Variants in ADAMTSL3 observed in about 807,000 individuals in gnomAD.
ADAMTSL3 encodes ADAMTS-like protein 3.
A neutral mutation model predicts 201.7 loss-of-function variants in ADAMTSL3; 128 were observed. The observed-to-expected ratio is 0.63, with a 90% CI of 0.55 to 0.73. The LOEUF (loss-of-function observed/expected upper bound fraction) is 0.73. ADAMTSL3 is among the 30% of genes least tolerant of loss of function. ADAMTSL3 has a pLI of 0.00. For synonymous variants in ADAMTSL3, 738 were observed against 748.4 expected (o/e 0.99, Z 0.23); for missense variants, 1,990 against 2,119.6 (o/e 0.94, Z 1.20).
rs1164485410 is a variant in ADAMTSL3, at chr15:83,913,182, C to G, written c.1791C>G (p.Phe597Leu). 1.9e-6 allele frequency: 3 copies of G among 1,614,056 alleles called. No individual in the cohort carries two copies. ...TGAAGTGCCGTGTGCTCCTCACATT[C>G]ACGCAGACTGAGACTGAGCTGCCCG... ...REVKCRVLLT[F>L]TQTETELPEE... is the part of the protein sequence containing the mutation. The change falls in exon 16 of 30, where the codon TTC (phenylalanine) becomes TTG (leucine). Residue 597 changes from phenylalanine (F) to leucine (L), a missense_variant. Physicochemically the swap from Phe to Leu is conservative, Grantham distance 22. Transcript: ENST00000286744.
intron 4 of ADAMTSL3, among the ~76,000 whole-genome samples, chr15:83,779,876 A>T (rs2063139216): frequency 6.6e-6 from 1 of 152,182 alleles, no homozygotes; most frequent in African/African-American, 2.4e-5. Flanking sequence ...AGTTATTTGA[A>T]ACTAATGAGA....
chr15:84,026,463 T>C (rs2068309803), intron 27 of ADAMTSL3, among the ~76,000 whole-genome samples: 1 of 152,204 alleles, frequency 6.6e-6, no homozygotes. Flanking sequence ...CTAAAATTCA[T>C]GTGGATATAG....
intron 2 of ADAMTSL3, among the ~76,000 whole-genome samples, chr15:83,692,520 C>T (rs1350358154): frequency 6.6e-6 from 1 of 151,584 alleles, no homozygotes; most frequent in Non-Finnish European, 1.5e-5. Context: ...CCTGTCTCTA[C>T]TGAAAAATAC....
chr15:83,968,247 C>G (rs2067126048), intron 19 of ADAMTSL3, among the ~76,000 whole-genome samples: 1 of 152,136 alleles, frequency 6.6e-6, no homozygotes, highest in African/African-American at 2.4e-5. Flanking sequence ...TAACAGGCAA[C>G]CTACAGAATG....
intron 23 of ADAMTSL3, among the ~76,000 whole-genome samples, chr15:84,011,616 AAAAG>A (rs1274658002): frequency 6.6e-6 from 1 of 152,232 alleles, no homozygotes; most frequent in Admixed American, 6.5e-5. Context: ...TAAGACAAGA[AAAAG>A]AAATCAGAAG....
Position 83,983,188 on chromosome 15 carries a change from C to G in ADAMTSL3, c.3560C>G (p.Ser1187Ter). ...PVLMRQSQPP[S>*]ISFNKTINSR... ...CTCATGAGGCAAAGCCAACCTCCCT[C>G]AATTTCATTTAATAAAACAATAAAT... Residue 1187 changes from serine to a stop codon, truncating the protein, a stop_gained, in exon 21 of 30, where the codon TCA becomes TGA. Transcript: ENST00000286744. LOFTEE classifies it high-confidence loss of function. 6.2e-7 allele frequency: 1 copy of G among 1,613,892 alleles called. No homozygotes were observed. The highest frequency in any genetic ancestry group is 8.5e-7 in the Non-Finnish European group (1 of 1,179,970).
intron 3 of ADAMTSL3, among the ~76,000 whole-genome samples, chr15:83,710,368 A>T (rs1189359513): frequency 6.6e-6 from 1 of 152,004 alleles, no homozygotes; most frequent in Non-Finnish European, 1.5e-5. Flanking sequence ...TTCAGTGACC[A>T]CTTGGTTTTC....
intron 23 of ADAMTSL3, among the ~76,000 whole-genome samples, chr15:84,005,669 C>T (rs1030162014): frequency 3.9e-5 from 6 of 152,276 alleles, no homozygotes; most frequent in South Asian, 4.1e-4. Context: ...GCCCAGGGTA[C>T]GTGAGAGATG....
intron 6 of ADAMTSL3, among the ~76,000 whole-genome samples, chr15:83,824,457 A>C (rs764634674): frequency 2.0e-5 from 3 of 152,186 alleles, no homozygotes; most frequent in Admixed American, 1.3e-4. Flanking sequence ...CAGTTATTAC[A>C]GTCGATGAAC....
In ADAMTSL3 at chr15:83,982,641, C is replaced by G. The variant is rs200572221; in HGVS notation, c.3013C>G (p.Arg1005Gly). The change falls in exon 21 of 30, where the codon CGC (arginine) becomes GGC (glycine). Residue 1005 changes from arginine (R) to glycine (G), a missense_variant. Arg to Gly is a moderately radical substitution (Grantham distance 125). Coordinates refer to ENST00000286744, the MANE Select transcript of ADAMTSL3 (RefSeq NM_207517.3). The stretch of plus-strand genomic sequence containing the variant: ...TGGTACTGACAACCGGCTCATCGCA[C>G]GCCCAGCCCTCAGGGAGCCTATGAG... ...LIGTDNRLIA[R>G]PALREPMREY... 1 of 1,614,152 alleles carries G rather than the reference C, an allele frequency of 6.2e-7. No individual in the cohort carries two copies. Among genetic ancestry groups the G allele is most frequent in the African/African-American group, 1.3e-5 (1 of 75,030 alleles).
At chr15:83,801,613 G>T (rs942986477) in intron 4 of ADAMTSL3, among the ~76,000 whole-genome samples, 1 of 114,682 alleles carries the variant, frequency 8.7e-6, no homozygotes, top group Admixed American at 9.8e-5. Context: ...CACAAGAAAA[G>T]GTCAATGAAA....
chr15:83,826,107 G>A (rs546485446), intron 6 of ADAMTSL3, among the ~76,000 whole-genome samples: 29 of 152,124 alleles, frequency 1.9e-4, no homozygotes, highest in African/African-American at 7.0e-4. Flanking sequence ...TAAAGATTAA[G>A]GATGTATTTT....
chr15:83,932,705 G>A (rs889466184), intron 17 of ADAMTSL3, among the ~76,000 whole-genome samples: 5 of 152,074 alleles, frequency 3.3e-5, no homozygotes, highest in African/African-American at 1.2e-4. Context: ...AATTCATACT[G>A]GTCTTGATAG....
At chr15:83,920,227 C>G (rs1025838305) in intron 16 of ADAMTSL3, among the ~76,000 whole-genome samples, 1 of 152,144 alleles carries the variant, frequency 6.6e-6, no homozygotes, top group African/African-American at 2.4e-5. Context: ...GAGATGTGTT[C>G]CCGACATGGT....
intron 17 of ADAMTSL3, among the ~76,000 whole-genome samples, chr15:83,931,521 C>G (rs1313508855): frequency 2.0e-5 from 3 of 152,164 alleles, no homozygotes; most frequent in Admixed American, 6.6e-5. Context: ...CAATTGTCAT[C>G]CAAATATGAC....
At chr15:83,683,154 T>C (rs182293318) in intron 2 of ADAMTSL3, among the ~76,000 whole-genome samples, 2 of 152,232 alleles carry the variant, frequency 1.3e-5, no homozygotes, top group Non-Finnish European at 2.9e-5. Context: ...AGATGGTTGA[T>C]ACTTGCTCAG....
At chr15:83,902,384 C>T (rs2065744342) in intron 15 of ADAMTSL3, among the ~76,000 whole-genome samples, 1 of 152,162 alleles carries the variant, frequency 6.6e-6, no homozygotes, top group South Asian at 2.1e-4. Context: ...GATTCTCCTG[C>T]CTCAGCCTCC....
intron 2 of ADAMTSL3, among the ~76,000 whole-genome samples, chr15:83,662,521 G>GTAAC (rs1170988740): frequency 1.4e-5 from 2 of 146,852 alleles, no homozygotes; most frequent in African/African-American, 2.5e-5. Flanking sequence ...GTATACGTAT[G>GTAAC]TAACTAACCT....
intron 7 of ADAMTSL3, 84 bp from the exon 8 acceptor site, chr15:83,858,682 C>T (rs767469356): frequency 3.6e-5 from 37 of 1,031,024 alleles, no homozygotes; most frequent in East Asian, 2.5e-4. Flanking sequence ...ATTTTGCAGA[C>T]GCCCCCAGTT....
Sources: allele counts gnomAD v4.1 joint callset (sites outside exome capture counted in the v4.1 genomes callset), GRCh38; gene constraint gnomAD v4.1.1; transcripts MANE v1.5; gene names NCBI Gene and HGNC (gene_info 2026-07-23, HGNC 2026-07-21).